Variants in GRB2 observed in about 807,000 individuals in gnomAD.
The protein encoded by GRB2 is growth factor receptor-bound protein 2.
In GRB2, 2 loss-of-function variants were observed where a neutral mutation model predicts 27.4. The observed-to-expected ratio is 0.07, with a 90% CI of 0.03 to 0.23. The LOEUF (loss-of-function observed/expected upper bound fraction) is 0.23. Among genes scored for constraint, GRB2 ranks in the 10% least tolerant of loss-of-function variants. GRB2 has a pLI of 1.00. For missense variants in GRB2, 102 were observed against 282.4 expected (o/e 0.36, Z 4.58); for synonymous variants, 94 against 99.6 (o/e 0.94, Z 0.33).
intron 2 of GRB2, among the ~76,000 whole-genome samples, chr17:75,367,341 T>C (rs781021553): frequency 1.3e-5 from 2 of 152,068 alleles, no homozygotes; most frequent in Non-Finnish European, 2.9e-5. Context: ...CAGCTAATTT[T>C]TTAAAAAAAC....
In GRB2 at chr17:75,320,548, C is replaced by T. The variant is rs767303568; in HGVS notation, c.474G>A (p.Pro158=). Residue 158 remains proline, a synonymous_variant, in exon 6 of 6, where the codon CCG becomes CCA. Coordinates refer to ENST00000316804, the MANE Select transcript of GRB2 (RefSeq NM_002086.5). This position sits in a 1 kb window ranked among gnomAD's most constrained non-coding sequence, Gnocchi z 4.3. ...LRDIEQVPQQ[P]TYVQALFDFD... ...AGTCAAAGAGGGCCTGGACGTATGT[C>T]GGCTGCTGCAAAACAGGAGCAGGAA... The T allele has an allele frequency of 1.1e-5, 17 of 1,610,862 alleles. No individual in the cohort carries two copies. Among genetic ancestry groups the T allele is most frequent in the East Asian group, 6.7e-5 (3 of 44,808 alleles).
chr17:75,382,967 C>T (rs2078939071), intron 2 of GRB2, among the ~76,000 whole-genome samples: 1 of 152,166 alleles, frequency 6.6e-6, no homozygotes, highest in African/African-American at 2.4e-5. Context: ...CCTCGGCCTC[C>T]CAAAGTGCTG....
At chr17:75,357,272 A>G (rs1473161163) in intron 2 of GRB2, among the ~76,000 whole-genome samples, 1 of 152,216 alleles carries the variant, frequency 6.6e-6, no homozygotes, top group East Asian at 1.9e-4. Flanking sequence ...GTCTAGAGAG[A>G]TATGATGACT....
chr17:75,381,097 A>T (rs1163511657), intron 2 of GRB2, among the ~76,000 whole-genome samples: 1 of 152,254 alleles, frequency 6.6e-6, no homozygotes, highest in East Asian at 1.9e-4. Flanking sequence ...AACAAGTGAA[A>T]TATACAGCAA....
intron 2 of GRB2, among the ~76,000 whole-genome samples, chr17:75,383,673 C>T (rs998467823): frequency 3.3e-5 from 5 of 152,152 alleles, no homozygotes; most frequent in Non-Finnish European, 5.9e-5. Flanking sequence ...GAAAGCCCGT[C>T]TCTACTAAAA....
intron 2 of GRB2, among the ~76,000 whole-genome samples, chr17:75,349,613 G>A (rs1189386456): frequency 6.8e-6 from 1 of 147,748 alleles, no homozygotes; most frequent in Non-Finnish European, 1.5e-5. Context: ...TCTGCCTCCT[G>A]GGTTCAAGTG....
Position 75,399,913 on chromosome 17 carries a change from G to A in GRB2, c.-138+5576C>T, listed in dbSNP as rs188222608. Among the ~76,000 whole-genome samples the A allele has an allele frequency of 4.9e-3, 726 of 148,980 alleles. 5 individuals carry two copies. The highest frequency in any genetic ancestry group is 0.017 in the African/African-American group (675 of 40,534). ...TCTCGATCTCCTGACCTCGTGATCC[G>A]CCTGCCTCAGCCTCCCAAAGTGCTG... is the stretch of plus-strand genomic sequence containing the variant. On this transcript the variant is annotated intron_variant, in intron 1 of 5. Coordinates refer to ENST00000316804, the MANE Select transcript of GRB2 (RefSeq NM_002086.5).
rs1234820936 is a variant in GRB2 at position 75,324,520 on chromosome 17, T to G, written c.299+1378A>C. Among the ~76,000 whole-genome samples the G allele has an allele frequency of 3.9e-3, 307 of 78,558 alleles. 8 individuals are homozygous for G. Among genetic ancestry groups the G allele is most frequent in the African/African-American group, 0.012 (290 of 23,240 alleles). 51.5% of individuals were successfully genotyped at this position (78,558 alleles called of 152,430 possible). A position where few individuals can be genotyped will look rare whatever the true frequency, so the allele number is the denominator to read the frequency against. On this transcript the variant is annotated intron_variant, in intron 4 of 5. Coordinates refer to ENST00000316804, the MANE Select transcript of GRB2 (RefSeq NM_002086.5). ...CCACCGCACCCAGTTTTTTTTTTTT[T>G]TTTTTTTTTTTTTTTGGAGACAGAG...
At chr17:75,371,209 T>C (rs1310400248) in intron 2 of GRB2, 1 of 151,918 alleles carries the variant, frequency 6.6e-6, no homozygotes. Context: ...GTAAGCACAG[T>C]AAAGTGTAAT....
rs1235946803 is a variant in GRB2, at chr17:75,338,749, A to T, written c.79-5952T>A. The T allele has an allele frequency of 9.8e-5, 53 of 542,688 alleles. 1 individual carries two copies. The South Asian group carries it at 1.1e-3, about 11-fold the overall frequency. The allele number at this position is 542,688 out of a possible 1,614,324, so 33.6% of individuals were successfully genotyped here. A position where few individuals can be genotyped will look rare whatever the true frequency, so the allele number is the denominator to read the frequency against. ...AGCCCAAATCAGGAAGAAATTTAAG[A>T]GATGAGGAATGAGGTGAGCTTTACA... On this transcript the variant is annotated intron_variant, in intron 2 of 5. Coordinates refer to ENST00000316804, the MANE Select transcript of GRB2 (RefSeq NM_002086.5).
At chr17:75,324,520 T>A (rs1234820936) in intron 4 of GRB2, among the ~76,000 whole-genome samples, 1 of 78,470 alleles carries the variant, frequency 1.3e-5, no homozygotes, top group Non-Finnish European at 2.8e-5. Context: ...TTTTTTTTTT[T>A]TTTTTTTTTT....
intron 2 of GRB2, among the ~76,000 whole-genome samples, chr17:75,392,569 C>G (rs554760807): frequency 3.3e-4 from 50 of 152,148 alleles, no homozygotes; most frequent in Non-Finnish European, 6.0e-4. Context: ...TCATAAAATT[C>G]TAAGAATTTC....
chr17:75,386,233 C>T (rs927875072), intron 2 of GRB2, among the ~76,000 whole-genome samples: 1 of 152,060 alleles, frequency 6.6e-6, no homozygotes, highest in Non-Finnish European at 1.5e-5. Flanking sequence ...ATTCTCATGC[C>T]TCAGCCTCCT....
intron 2 of GRB2, among the ~76,000 whole-genome samples, chr17:75,370,578 T>A (rs1485343854): frequency 6.6e-6 from 1 of 152,138 alleles, no homozygotes; most frequent in Non-Finnish European, 1.5e-5. Flanking sequence ...TTAAGCCAAG[T>A]GTTCTGGCAA....
At chr17:75,321,524 G>A in intron 5 of GRB2, 135 bp downstream of exon 5, 1 of 734,982 alleles carries the variant, frequency 1.4e-6, no homozygotes, top group Admixed American at 2.4e-5. Flanking sequence ...TTTTCAGTAA[G>A]GAGCACAGAA....
chr17:75,358,700 TAAAAAAAAA>T (rs71159497), intron 2 of GRB2, among the ~76,000 whole-genome samples: 7 of 66,298 alleles, frequency 1.1e-4, no homozygotes, highest in Non-Finnish European at 2.1e-4. Flanking sequence ...CCATCTCTAC[TAAAAAAAAA>T]AAAAAAAAAA....
At chr17:75,332,267 A>G (rs895998499) in intron 3 of GRB2, among the ~76,000 whole-genome samples, 1 of 152,194 alleles carries the variant, frequency 6.6e-6, no homozygotes, top group Non-Finnish European at 1.5e-5. Flanking sequence ...AGGGATAAAC[A>G]TTTATTGAGA....
At chr17:75,327,874 T>C (rs547387673) in intron 3 of GRB2, among the ~76,000 whole-genome samples, 98 of 152,216 alleles carry the variant, frequency 6.4e-4, no homozygotes, top group African/African-American at 2.2e-3. Flanking sequence ...GCTTGGAGTC[T>C]TTCTCATTTT....
At chr17:75,359,308 C>A (rs1297156285) in intron 2 of GRB2, among the ~76,000 whole-genome samples, 1 of 151,396 alleles carries the variant, frequency 6.6e-6, no homozygotes, top group Non-Finnish European at 1.5e-5. Flanking sequence ...GGGCTCAAGA[C>A]CAGCCTAGGC....
Sources: gnomAD v4.1 joint callset for allele counts (sites outside exome capture counted in the v4.1 genomes callset) on GRCh38, gnomAD v4.1.1 for gene constraint, Gnocchi (gnomAD v3.1) non-coding constraint, MANE v1.5 for transcripts, NCBI Gene and HGNC (gene_info 2026-07-23, HGNC 2026-07-21) for gene names.